The following CARMIL1 variants were observed in gnomAD, a reference collection of about 807,000 sequenced individuals.
CARMIL1 encodes F-actin-uncapping protein LRRC16A.
CARMIL1 carries 90 observed loss-of-function variants against 177.1 expected under a neutral mutation model. That is an observed-to-expected ratio of 0.51 (90% confidence interval 0.43 to 0.61). CARMIL1 has a LOEUF of 0.61. CARMIL1 is among the 20% of genes least tolerant of loss of function. CARMIL1 has a pLI of 0.00. For missense variants in CARMIL1, 1,380 were observed against 1,667.0 expected, an observed-to-expected ratio of 0.83 and a Z score of 3.00; for synonymous variants, 577 against 606.2, an observed-to-expected ratio of 0.95 and a Z score of 0.71.
chr6:25,492,241 G>A (rs896349658), intron 15 of CARMIL1, among the ~76,000 whole-genome samples: 19 of 152,156 alleles, frequency 1.2e-4, no homozygotes, highest in African/African-American at 3.4e-4. Flanking sequence ...GCCTGCCTGC[G>A]TGAACTATGT....
chr6:25,438,770 T>C (rs1797458426), intron 5 of CARMIL1, among the ~76,000 whole-genome samples: 2 of 151,672 alleles, frequency 1.3e-5, no homozygotes, highest in Admixed American at 6.6e-5. Flanking sequence ...GGGAAAGAGG[T>C]TGGGATTTAG....
At chr6:25,304,736 TC>T (rs1187692451) in intron 2 of CARMIL1, among the ~76,000 whole-genome samples, 3 of 152,178 alleles carry the variant, frequency 2.0e-5, no homozygotes, top group Non-Finnish European at 4.4e-5. Context: ...GGAAAATACT[TC>T]CTTTGGTCTA....
In CARMIL1 at chr6:25,279,668, C is replaced by G. The variant is rs79849694; in HGVS notation, c.-128C>G. ...GCGGCAAAATTCTGTCTCCGCCCCCCCTTTTCTTGCCCACTTCCATTTGCA... is the reference window on the plus strand; with the variant it reads ...GCGGCAAAATTCTGTCTCCGCCCCCGCTTTTCTTGCCCACTTCCATTTGCA... On this transcript the variant is annotated 5_prime_UTR_variant, in exon 1 of 37. Coordinates refer to ENST00000329474, the MANE Select transcript of CARMIL1 (RefSeq NM_017640.6). 18 of 842,886 alleles carry G rather than the reference C, an allele frequency of 2.1e-5. No individual in the cohort carries two copies. The highest frequency in any genetic ancestry group is 4.5e-4 in the Middle Eastern group (2 of 4,458). The allele number at this position is 842,886 out of a possible 1,614,324, so 52.2% of individuals were successfully genotyped here. A position where few individuals can be genotyped will look rare whatever the true frequency, so the allele number is the denominator to read the frequency against.
intron 28 of CARMIL1, among the ~76,000 whole-genome samples, chr6:25,555,147 A>T (rs1368778511): frequency 3.3e-5 from 5 of 152,188 alleles, no homozygotes; most frequent in Non-Finnish European, 5.9e-5. Flanking sequence ...TTTTCATTGT[A>T]GCACCAAAAA....
intron 2 of CARMIL1, among the ~76,000 whole-genome samples, chr6:25,370,587 G>C (rs1790305723): frequency 6.6e-6 from 1 of 152,174 alleles, no homozygotes; most frequent in South Asian, 2.1e-4. Flanking sequence ...CCCCGACGGA[G>C]TCATACAGCC....
Position 25,400,894 on chromosome 6 carries a change from C to T in CARMIL1, c.139-19220C>T, listed in dbSNP as rs142283556. Among the ~76,000 whole-genome samples the T allele has an allele frequency of 4.6e-5, 7 of 152,312 alleles. No individual in the cohort carries two copies. In the East Asian group the frequency reaches 1.3e-3, roughly 29 times the overall value. ...CTCTCACTAAGAGGAACCATCAATT[C>T]AGACTTGCCCAGACTCATTGAGAAG... On this transcript the variant is annotated intron_variant, in intron 2 of 36. Coordinates refer to ENST00000329474, the MANE Select transcript of CARMIL1 (RefSeq NM_017640.6).
At chr6:25,585,995 A>G (rs1267818574) in intron 31 of CARMIL1, among the ~76,000 whole-genome samples, 5 of 152,122 alleles carry the variant, frequency 3.3e-5, no homozygotes, top group Admixed American at 3.3e-4. Flanking sequence ...CTTTCCCCAC[A>G]TTTCCCCCTT....
intron 33 of CARMIL1, among the ~76,000 whole-genome samples, chr6:25,602,326 T>C (rs1196608784): frequency 1.3e-5 from 2 of 152,234 alleles, no homozygotes; most frequent in African/African-American, 4.8e-5. Flanking sequence ...GTGAGTCAGA[T>C]GCCCAAGGAA....
At chr6:25,540,134 T>C (rs913732229) in intron 26 of CARMIL1, 56 bp downstream of exon 26, 1 of 1,469,998 alleles carries the variant, frequency 6.8e-7, no homozygotes, top group Non-Finnish European at 9.2e-7. Context: ...CTACGCATGA[T>C]AGCATTTCAT....
At chr6:25,588,098 ATTAT>A (rs1562315167) in intron 31 of CARMIL1, among the ~76,000 whole-genome samples, 1 of 152,218 alleles carries the variant, frequency 6.6e-6, no homozygotes, top group South Asian at 2.1e-4. Flanking sequence ...TAATCTAGAG[ATTAT>A]TTAAAGCACA....
At chr6:25,485,476 C>T (rs553802779) in intron 12 of CARMIL1, among the ~76,000 whole-genome samples, 5 of 152,210 alleles carry the variant, frequency 3.3e-5, no homozygotes, top group Non-Finnish European at 5.9e-5. Context: ...AGTGCAGTTG[C>T]ACGATCTTGG....
intron 9 of CARMIL1, among the ~76,000 whole-genome samples, chr6:25,466,541 T>C (rs1800612233): frequency 6.6e-6 from 1 of 152,240 alleles, no homozygotes; most frequent in African/African-American, 2.4e-5. Context: ...ATCAGTCATA[T>C]GGACAGATGC....
intron 2 of CARMIL1, among the ~76,000 whole-genome samples, chr6:25,357,347 C>T (rs952466858): frequency 4.6e-5 from 7 of 152,056 alleles, no homozygotes; most frequent in African/African-American, 7.2e-5. Context: ...TTTGGGAGGC[C>T]GAGATGGGCA....
chr6:25,457,213 C>T (rs1660667294), intron 8 of CARMIL1, among the ~76,000 whole-genome samples: 1 of 151,968 alleles, frequency 6.6e-6, no homozygotes, highest in African/African-American at 2.4e-5. Context: ...CTATTTTTTT[C>T]TCATTCATTT....
chr6:25,280,906 T>A (rs559725096), intron 1 of CARMIL1, among the ~76,000 whole-genome samples: 1 of 152,178 alleles, frequency 6.6e-6, no homozygotes, highest in Admixed American at 6.5e-5. Context: ...TTGATCTCCA[T>A]GTGTGGAATT....
chr6:25,315,435 C>T (rs1316644583), intron 2 of CARMIL1, among the ~76,000 whole-genome samples: 1 of 152,226 alleles, frequency 6.6e-6, no homozygotes, highest in African/African-American at 2.4e-5. Context: ...GTCGCTCTCT[C>T]TGCGGTCTAC....
chr6:25,572,604 A>G (rs1330964908), intron 29 of CARMIL1, among the ~76,000 whole-genome samples: 2 of 149,564 alleles, frequency 1.3e-5, no homozygotes, highest in African/African-American at 4.9e-5. Flanking sequence ...AGGAGGCTGA[A>G]GTGGGAAGAT....
At chr6:25,448,303 A>G (rs1177130975) in intron 5 of CARMIL1, among the ~76,000 whole-genome samples, 3 of 152,162 alleles carry the variant, frequency 2.0e-5, no homozygotes, top group Admixed American at 1.3e-4. Flanking sequence ...GAGGCGCACC[A>G]TGGCCTGGGA....
intron 8 of CARMIL1, among the ~76,000 whole-genome samples, chr6:25,453,012 A>G (rs1799137553): frequency 6.6e-6 from 1 of 152,176 alleles, no homozygotes. Context: ...ATCCATACAT[A>G]ATTTTGTAGC....
Sources: gnomAD v4.1 joint callset for allele counts (sites outside exome capture counted in the v4.1 genomes callset) on GRCh38, gnomAD v4.1.1 for gene constraint, MANE v1.5 for transcripts, NCBI Gene and HGNC (gene_info 2026-07-23, HGNC 2026-07-21) for gene names.